Variants in ZNF462 observed in about 807,000 individuals in gnomAD.
ZNF462 encodes the protein zinc finger protein 462.
In ZNF462, 10 loss-of-function variants were observed where a neutral mutation model predicts 201.9. The ratio of observed to expected loss-of-function variants is 0.05; its 90% confidence interval spans 0.03 to 0.08. ZNF462 has a LOEUF of 0.08. Ranked by LOEUF, ZNF462 falls within the 10% of genes least tolerant of loss-of-function variation. ZNF462 has a pLI of 1.00. For synonymous variants in ZNF462, 1,227 were observed against 1,193.3 expected (o/e 1.03, Z -0.58); for missense variants, 2,523 against 3,168.3 (o/e 0.80, Z 4.89).
Position 107,005,082 on chromosome 9 carries a change from G to A in ZNF462, c.7189+1656G>A, listed in dbSNP as rs1415039124. ...TAATGGTGAATAGTATTTCATGTGT[G>A]TATATACCACATTTTCTTTATCCAT... On this transcript the variant is annotated intron_variant, in intron 11 of 12. Coordinates refer to ENST00000277225, the MANE Select transcript of ZNF462 (RefSeq NM_021224.6). The surrounding 1 kb of genome is among the most constrained non-coding windows in gnomAD (Gnocchi z 4.4). Among the ~76,000 whole-genome samples, 2 of 152,108 alleles carry A rather than the reference G, an allele frequency of 1.3e-5. No individual in the cohort carries two copies. Among genetic ancestry groups the A allele is most frequent in the African/African-American group, 4.8e-5 (2 of 41,428 alleles).
intron 7 of ZNF462, among the ~76,000 whole-genome samples, chr9:106,961,907 A>G (rs1459365206): frequency 1.3e-5 from 2 of 152,064 alleles, no homozygotes; most frequent in African/African-American, 2.4e-5. Context: ...TTGCAAGAAT[A>G]TACAACAATG....
intron 1 of ZNF462, among the ~76,000 whole-genome samples, chr9:106,878,455 T>C (rs1232475137): frequency 6.6e-6 from 1 of 152,248 alleles, no homozygotes; most frequent in Admixed American, 6.5e-5. Flanking sequence ...TCATGTGTTT[T>C]ATAGAAGCTG....
chr9:106,951,496 G>A lies in ZNF462; in HGVS notation c.6427+12389G>A, dbSNP rs183852453. On this transcript the variant is annotated intron_variant, in intron 7 of 12. Transcript: ENST00000277225. ...AGAAAGAAGCTTTCAAAACTATACT[G>A]TGCTGCACACGTTGGTGGTTGTTTT... is the stretch of plus-strand genomic sequence containing the variant. Among the ~76,000 whole-genome samples, 1,090 of 152,260 alleles carry A rather than the reference G, an allele frequency of 7.2e-3. 10 individuals carry two copies. The highest frequency in any genetic ancestry group is 0.017 in the South Asian group (83 of 4,796).
chr9:107,003,151 A>G lies in ZNF462; in HGVS notation c.7057-143A>G. 1 of 1,048,672 alleles carries G rather than the reference A, an allele frequency of 9.5e-7. No individual in the cohort carries two copies. Among genetic ancestry groups the G allele is most frequent in the Non-Finnish European group, 1.4e-6 (1 of 730,958 alleles). 65.0% of individuals were successfully genotyped at this position (1,048,672 alleles called of 1,614,324 possible). On this transcript the variant is annotated intron_variant, in intron 10 of 12. Transcript: ENST00000277225. The surrounding 1 kb of genome is among the most constrained non-coding windows in gnomAD (Gnocchi z 4.4). ...TCCAAAAGAGTCAAAACGAAGAAAA[A>G]GACCTCTTAGGCCCCGGAGTTGTTT...
chr9:106,924,154 G>A lies in ZNF462; in HGVS notation c.242G>A (p.Gly81Glu), dbSNP rs191811643. 9.4e-6 allele frequency: 15 copies of A among 1,603,394 alleles called. No homozygotes were observed. The East Asian group carries it at 3.3e-4, about 36-fold the overall frequency. Residue 81 changes from glycine (G) to glutamate (E), a missense_variant, in exon 3 of 13, where the codon GGG (glycine) becomes GAG (glutamate). By Grantham distance (98) the Gly-to-Glu change is moderately conservative (BLOSUM62 -2). Transcript: ENST00000277225. The surrounding 1 kb of genome is among the most constrained non-coding windows in gnomAD (Gnocchi z 6.2). ...TTAGGTCAAAATGCAACTTCATTGG[G>A]GACCGGAGGTTACTATGGCCACAGT... ...DLSGQNATSL[G>E]TGGYYGHSPG... is the part of the protein sequence containing the mutation.
intron 1 of ZNF462, among the ~76,000 whole-genome samples, chr9:106,879,784 A>T (rs976350542): frequency 1.3e-4 from 20 of 152,170 alleles, no homozygotes; most frequent in Non-Finnish European, 1.2e-4. Flanking sequence ...GTTCCCCTGG[A>T]AAGAAAGCTT....
rs1828283471 is a variant in ZNF462, at chr9:106,885,627, G to A, written c.-31+22272G>A. Among the ~76,000 whole-genome samples the A allele has an allele frequency of 6.6e-6, 1 of 152,196 alleles. No individual in the cohort carries two copies. The highest frequency in any genetic ancestry group is 6.5e-5 in the Admixed American group (1 of 15,282). On this transcript the variant is annotated intron_variant, in intron 1 of 12. Coordinates refer to ENST00000277225, the MANE Select transcript of ZNF462 (RefSeq NM_021224.6). This position sits in a 1 kb window ranked among gnomAD's most constrained non-coding sequence, Gnocchi z 4.1. ...GAACATGTGATCTTGTTAACCCTGA[G>A]ATGTTGCTGAAAAGTGACTCAGATC...
chr9:106,922,065 C>G (rs1238679642), intron 1 of ZNF462, among the ~76,000 whole-genome samples: 1 of 152,140 alleles, frequency 6.6e-6, no homozygotes, highest in African/African-American at 2.4e-5. Flanking sequence ...TGTGATGGCT[C>G]CTTTCACTAC....
Position 106,895,228 on chromosome 9 carries a change from T to C in ZNF462, c.-30-28126T>C, listed in dbSNP as rs370161298. Among the ~76,000 whole-genome samples the C allele has an allele frequency of 1.2e-4, 18 of 152,324 alleles. No homozygotes were observed. In the East Asian group the frequency reaches 2.3e-3, roughly 20 times the overall value. On this transcript the variant is annotated intron_variant, in intron 1 of 12. Transcript: ENST00000277225. The surrounding 1 kb of genome is among the most constrained non-coding windows in gnomAD (Gnocchi z 4.4). ...CAAAGAGTAGACTGTTCTTGACATA[T>C]GTTAGAAAAAATTGAGCTTAGACCA... is the stretch of plus-strand genomic sequence containing the variant.
chr9:106,921,261 A>C (rs1829979844), intron 1 of ZNF462, among the ~76,000 whole-genome samples: 1 of 152,204 alleles, frequency 6.6e-6, no homozygotes, highest in Admixed American at 6.5e-5. Flanking sequence ...GGGACTAACA[A>C]ACCAGCATAT....
In ZNF462 at chr9:106,978,546, C is replaced by A. The variant is rs1827183276; in HGVS notation, c.6832+4273C>A. Among the ~76,000 whole-genome samples, 2 of 151,432 alleles carry A rather than the reference C, an allele frequency of 1.3e-5. No homozygotes were observed. The highest frequency in any genetic ancestry group is 2.9e-5 in the Non-Finnish European group (2 of 68,028). ...TCATTCAGGAACTGTGAACTTAGGT[C>A]AGATCAACGTTTGGTGAGATTGACC... On this transcript the variant is annotated intron_variant, in intron 9 of 12. Transcript: ENST00000277225. The surrounding 1 kb of genome is among the most constrained non-coding windows in gnomAD (Gnocchi z 4.1).
rs947170993 is a variant in ZNF462, at chr9:106,919,333, G to C, written c.-30-4021G>C. ...TGAGCAGTGAGTTGGAAGGATGGAC[G>C]ATGAAGCTGTGGTTTGTCTCCTTCC... On this transcript the variant is annotated intron_variant, in intron 1 of 12. Transcript: ENST00000277225. The surrounding 1 kb of genome is among the most constrained non-coding windows in gnomAD (Gnocchi z 4.5). Among the ~76,000 whole-genome samples the C allele has an allele frequency of 2.0e-5, 3 of 152,214 alleles. No individual in the cohort carries two copies. The highest frequency in any genetic ancestry group is 4.4e-5 in the Non-Finnish European group (3 of 68,038).
At chr9:106,906,038 G>T (rs1022666724) in intron 1 of ZNF462, among the ~76,000 whole-genome samples, 5 of 152,156 alleles carry the variant, frequency 3.3e-5, no homozygotes, top group Admixed American at 2.0e-4. Flanking sequence ...GGAATGGGCC[G>T]CTTGGGGACC....
At chr9:106,877,691 A>AT (rs1827897587) in intron 1 of ZNF462, among the ~76,000 whole-genome samples, 1 of 152,066 alleles carries the variant, frequency 6.6e-6, no homozygotes. Context: ...GAATGTTACT[A>AT]TTTTTTAATT....
rs1316187536 is a variant in ZNF462 at position 106,974,158 on chromosome 9, G to A, written c.6717G>A (p.Val2239=). 1.2e-6 allele frequency: 2 copies of A among 1,614,080 alleles called. No individual in the cohort carries two copies. The highest frequency in any genetic ancestry group is 1.7e-6 in the Non-Finnish European group (2 of 1,180,020). ...CTAGATCTGCTTTTACTATGCACGTGGAAGCTGGGCACTCAGCAGTTCCCG... is the reference window on the plus strand; with the variant it reads ...CTAGATCTGCTTTTACTATGCACGTAGAAGCTGGGCACTCAGCAGTTCCCG... ...TGFKSAFTMH[V]EAGHSAVPEE... is the part of the protein sequence containing the mutation. Residue 2239 remains valine (V), a synonymous_variant, in exon 9 of 13, where the codon GTG becomes GTA. Coordinates refer to ENST00000277225, the MANE Select transcript of ZNF462 (RefSeq NM_021224.6). The surrounding 1 kb of genome is among the most constrained non-coding windows in gnomAD (Gnocchi z 4.0).
chr9:106,971,375 A>AAAATAC (rs1554713163), intron 7 of ZNF462, among the ~76,000 whole-genome samples: 1 of 151,174 alleles, frequency 6.6e-6, no homozygotes, highest in African/African-American at 2.4e-5. Flanking sequence ...TTAAAAAAAA[A>AAAATAC]AACAACAACA....
intron 1 of ZNF462, among the ~76,000 whole-genome samples, chr9:106,899,355 A>G (rs183963829): frequency 6.6e-6 from 1 of 151,976 alleles, no homozygotes; most frequent in Admixed American, 6.6e-5. Flanking sequence ...TGCAGAAAGG[A>G]TAACTATCAG....
At chr9:106,907,848 T>A (rs971147343) in intron 1 of ZNF462, among the ~76,000 whole-genome samples, 3 of 151,990 alleles carry the variant, frequency 2.0e-5, no homozygotes, top group African/African-American at 4.8e-5. Context: ...ATAATTTTCA[T>A]AGATCTGTGA....
In ZNF462 at chr9:106,905,398, C is replaced by T. The variant is rs144993520; in HGVS notation, c.-30-17956C>T. ...AATGGTCTATTTTTGTGCTCATTGG[C>T]CTCCTGCCAGGAGGTGGCACTTTCT... On this transcript the variant is annotated intron_variant, in intron 1 of 12. Coordinates refer to ENST00000277225, the MANE Select transcript of ZNF462 (RefSeq NM_021224.6). This position sits in a 1 kb window ranked among gnomAD's most constrained non-coding sequence, Gnocchi z 5.9. Among the ~76,000 whole-genome samples the T allele has an allele frequency of 4.7e-4, 72 of 152,252 alleles. 2 individuals carry two copies. The East Asian group carries it at 0.012, about 26-fold the overall frequency.
Sources: gnomAD v4.1 joint callset for allele counts (sites outside exome capture counted in the v4.1 genomes callset) on GRCh38, gnomAD v4.1.1 for gene constraint, Gnocchi (gnomAD v3.1) non-coding constraint, MANE v1.5 for transcripts, NCBI Gene and HGNC (gene_info 2026-07-23, HGNC 2026-07-21) for gene names.